The following MCCC1 variants were observed in gnomAD, a reference collection of about 807,000 sequenced individuals.
The protein encoded by MCCC1 is methylcrotonyl-CoA carboxylase subunit 1.
MCCC1 carries 64 observed loss-of-function variants against 83.8 expected under a neutral mutation model. The ratio of observed to expected loss-of-function variants is 0.76; its 90% CI spans 0.62 to 0.94. The LOEUF is 0.94. Among genes scored for constraint, MCCC1 ranks in the 40% least tolerant of loss-of-function variants. The pLI, the probability that MCCC1 is intolerant of heterozygous loss-of-function variation, is 0.00. For missense variants in MCCC1, 807 were observed against 904.7 expected, an observed-to-expected ratio of 0.89 and a Z score of 1.39; for synonymous variants, 322 against 315.4, an observed-to-expected ratio of 1.02 and a Z score of -0.22.
At chr3:183,070,737 A>T (rs1194876493) in intron 7 of MCCC1, among the ~76,000 whole-genome samples, 3 of 151,948 alleles carry the variant, frequency 2.0e-5, no homozygotes, top group Admixed American at 6.6e-5. Flanking sequence ...TCCGTCCAAA[A>T]AAAAAAAAAA....
chr3:183,053,135 A>G (rs1715118230), intron 8 of MCCC1, among the ~76,000 whole-genome samples: 1 of 152,122 alleles, frequency 6.6e-6, no homozygotes, highest in South Asian at 2.1e-4. Context: ...GGTCTAGTCT[A>G]ATGGGTGTGT....
At chr3:183,114,148 C>T (rs773630610) in intron 1 of MCCC1, among the ~76,000 whole-genome samples, 20 of 152,138 alleles carry the variant, frequency 1.3e-4, no homozygotes, top group Non-Finnish European at 2.6e-4. Context: ...CCCAAGAATT[C>T]GTCTGATTGA....
chr3:183,114,380 G>A (rs1371103912), intron 1 of MCCC1, among the ~76,000 whole-genome samples: 8 of 152,058 alleles, frequency 5.3e-5, no homozygotes, highest in Non-Finnish European at 1.2e-4. Flanking sequence ...CCGTCTCTCG[G>A]TCGCTGGCTA....
Position 183,094,682 on chromosome 3 carries a change from T to C in MCCC1, c.90-77A>G, listed in dbSNP as rs1374625752. ...TTGTTCTTTCAAAAGAATTTCAGTT[T>C]CTTAAAACATGAAACCTTAAGCCAA... On this transcript the variant is annotated intron_variant, in intron 1 of 18. Coordinates refer to ENST00000265594, the MANE Select transcript of MCCC1 (RefSeq NM_020166.5). The C allele has an allele frequency of 2.7e-6, 4 of 1,462,852 alleles. No homozygotes were observed. In the East Asian group the frequency reaches 9.1e-5, roughly 33 times the overall value. The allele number at this position is 1,462,852 out of a possible 1,614,324, so 90.6% of individuals were successfully genotyped here. A position where few individuals can be genotyped will look rare whatever the true frequency, so the allele number is the denominator to read the frequency against.
At chr3:183,044,977 G>A (rs150267066) in intron 10 of MCCC1, among the ~76,000 whole-genome samples, 207 of 151,992 alleles carry the variant, frequency 1.4e-3, no homozygotes, top group African/African-American at 4.7e-3. Flanking sequence ...TTTGCTACAT[G>A]GGTATTTTGC....
upstream of MCCC1, chr3:183,099,554 G>T: frequency 7.9e-7 from 1 of 1,263,436 alleles, no homozygotes; most frequent in Non-Finnish European, 1.1e-6. Flanking sequence ...CACCGTCGGA[G>T]CCTGAGCCTA....
At chr3:183,033,853 C>T in intron 14 of MCCC1, 138 bp downstream of exon 14, 2 of 655,720 alleles carry the variant, frequency 3.1e-6, no homozygotes, top group Non-Finnish European at 2.7e-6. Flanking sequence ...ATTATATTGG[C>T]ATATTTCCCT....
intron 4 of MCCC1, among the ~76,000 whole-genome samples, chr3:183,077,784 T>C (rs1717187822): frequency 6.6e-6 from 1 of 152,200 alleles, no homozygotes; most frequent in Admixed American, 6.5e-5. Context: ...TTTTTTTGTT[T>C]AAGGTGTGAG....
intron 1 of MCCC1, among the ~76,000 whole-genome samples, chr3:183,105,708 A>G (rs187298300): frequency 6.6e-6 from 1 of 152,280 alleles, no homozygotes; most frequent in African/African-American, 2.4e-5. Flanking sequence ...AAGAAAGAAA[A>G]AAAAAAACTC....
chr3:183,078,091 C>G (rs1164539702), intron 4 of MCCC1, among the ~76,000 whole-genome samples: 3 of 152,166 alleles, frequency 2.0e-5, no homozygotes, highest in African/African-American at 7.2e-5. Flanking sequence ...ATGATCTTGG[C>G]TCACTGCAAC....
At chr3:183,066,023 C>T (rs1013589555) in intron 7 of MCCC1, among the ~76,000 whole-genome samples, 10 of 152,122 alleles carry the variant, frequency 6.6e-5, no homozygotes, top group Admixed American at 5.9e-4. Flanking sequence ...AAGAGTCATA[C>T]AGGAAGCAGT....
chr3:183,018,369 C>T (rs1711863147), intron 17 of MCCC1, among the ~76,000 whole-genome samples: 1 of 130,918 alleles, frequency 7.6e-6, no homozygotes, highest in African/African-American at 2.9e-5. Flanking sequence ...CAGAGGCCTA[C>T]AGCCCAAATG....
At chr3:183,050,390 T>C (rs1714874361) in intron 9 of MCCC1, among the ~76,000 whole-genome samples, 2 of 151,400 alleles carry the variant, frequency 1.3e-5, no homozygotes, top group African/African-American at 4.9e-5. Context: ...TCATTAAAAC[T>C]TAAAACTTCT....
At chr3:183,047,800 A>G (rs1056856158) in intron 9 of MCCC1, among the ~76,000 whole-genome samples, 1 of 145,630 alleles carries the variant, frequency 6.9e-6, no homozygotes, top group Admixed American at 6.6e-5. Context: ...AAACAGTGAG[A>G]AAAAAAACCT....
intron 4 of MCCC1, among the ~76,000 whole-genome samples, chr3:183,079,866 C>T (rs1385399713): frequency 6.6e-6 from 1 of 152,204 alleles, no homozygotes; most frequent in Non-Finnish European, 1.5e-5. Flanking sequence ...GACTTTTGTG[C>T]TCCCAGAGGC....
At chr3:183,114,659 G>A (rs184689758) in intron 1 of MCCC1, among the ~76,000 whole-genome samples, 7 of 152,328 alleles carry the variant, frequency 4.6e-5, no homozygotes, top group Admixed American at 4.6e-4. Context: ...GGAAGAAGGG[G>A]AAGAATCTTC....
chr3:183,052,073 G>T, intron 9 of MCCC1, 86 bp downstream of exon 9: 6 of 1,266,268 alleles, frequency 4.7e-6, no homozygotes, highest in South Asian at 1.2e-5. Flanking sequence ...GAAAGCAACT[G>T]ATTTAAAAGT....
At chr3:183,085,716 C>T (rs990947604) in intron 4 of MCCC1, among the ~76,000 whole-genome samples, 12 of 152,042 alleles carry the variant, frequency 7.9e-5, no homozygotes, top group Middle Eastern at 3.2e-3. Context: ...CCACTTTCTT[C>T]CTGTAAGATG....
chr3:183,076,796 C>T (rs1003953847), intron 4 of MCCC1, among the ~76,000 whole-genome samples: 2 of 152,076 alleles, frequency 1.3e-5, no homozygotes, highest in Admixed American at 6.6e-5. Context: ...TACTCAAAGT[C>T]GCACAATTAT....
Sources: allele counts gnomAD v4.1 joint callset (sites outside exome capture counted in the v4.1 genomes callset), GRCh38; gene constraint gnomAD v4.1.1; transcripts MANE v1.5; gene names NCBI Gene and HGNC (gene_info 2026-07-23, HGNC 2026-07-21).